TTC28: variants seen among roughly 807,000 people sequenced by gnomAD.
TTC28 encodes tetratricopeptide repeat domain 28, also known as tetratricopeptide repeat protein 28.
TTC28 carries 61 observed loss-of-function variants against 198.0 expected under a neutral mutation model. The observed-to-expected ratio is 0.31, with a 90% CI of 0.25 to 0.38. The LOEUF (loss-of-function observed/expected upper bound fraction) is 0.38. Ranked by LOEUF, TTC28 falls within the 10% of genes least tolerant of loss-of-function variation. The pLI, the probability that TTC28 is intolerant of heterozygous loss-of-function variation, is 1.00. For missense variants in TTC28, 2,678 were observed against 3,164.0 expected (o/e 0.85, Z 3.69); for synonymous variants, 1,171 against 1,297.8 (o/e 0.90, Z 2.10).
At chr22:28,623,811 T>A (rs1430833410) in intron 2 of TTC28, among the ~76,000 whole-genome samples, 1 of 152,010 alleles carries the variant, frequency 6.6e-6, no homozygotes, top group South Asian at 2.1e-4. Flanking sequence ...CAATAATGTG[T>A]TTACAAGGAA....
intron 1 of TTC28, among the ~76,000 whole-genome samples, chr22:28,633,912 A>G (rs1422546824): frequency 2.0e-5 from 3 of 152,156 alleles, no homozygotes; most frequent in Admixed American, 6.5e-5. Flanking sequence ...TCACCTTTAT[A>G]GTGAAGGATC....
chr22:28,521,309 A>G (rs1235130588), intron 2 of TTC28, among the ~76,000 whole-genome samples: 1 of 152,094 alleles, frequency 6.6e-6, no homozygotes, highest in Non-Finnish European at 1.5e-5. Context: ...TAGGAGGCCA[A>G]GGCGAGAGAA....
chr22:28,382,506 C>G (rs1053252390), intron 2 of TTC28, among the ~76,000 whole-genome samples: 1 of 152,170 alleles, frequency 6.6e-6, no homozygotes, highest in African/African-American at 2.4e-5. Flanking sequence ...TATCCATGGA[C>G]TTGACCTTTG....
chr22:28,103,367 G>C (rs930125464), intron 8 of TTC28, among the ~76,000 whole-genome samples: 3 of 152,320 alleles, frequency 2.0e-5, no homozygotes, highest in Admixed American at 6.5e-5. Context: ...TGGAGAGCTT[G>C]TTCAAAAGGC....
intron 14 of TTC28, among the ~76,000 whole-genome samples, chr22:28,003,680 G>A (rs1937806771): frequency 6.6e-6 from 1 of 152,232 alleles, no homozygotes; most frequent in African/African-American, 2.4e-5. Context: ...GAAAAATGGA[G>A]AAGTGAGGCT....
intron 2 of TTC28, among the ~76,000 whole-genome samples, chr22:28,574,444 C>T (rs192394098): frequency 5.9e-5 from 9 of 152,186 alleles, no homozygotes; most frequent in Non-Finnish European, 1.0e-4. Flanking sequence ...ATTTAGGTTG[C>T]TTCCAAATCT....
chr22:28,653,840 C>T (rs1222702087), intron 1 of TTC28, among the ~76,000 whole-genome samples: 2 of 152,092 alleles, frequency 1.3e-5, no homozygotes, highest in African/African-American at 4.8e-5. Context: ...TTGCACGGCC[C>T]CAGACTGTAA....
At chr22:28,402,606 T>G (rs1367317953) in intron 2 of TTC28, among the ~76,000 whole-genome samples, 4 of 152,234 alleles carry the variant, frequency 2.6e-5, no homozygotes, top group African/African-American at 9.6e-5. Context: ...AGTATAGAAC[T>G]GAGCAGCACA....
intron 2 of TTC28, among the ~76,000 whole-genome samples, chr22:28,436,929 G>T (rs1480751996): frequency 6.6e-6 from 1 of 152,272 alleles, no homozygotes; most frequent in Admixed American, 6.5e-5. Flanking sequence ...GATATTTTAT[G>T]ATGTAAACTA....
chr22:28,387,353 A>G (rs1003590719), intron 2 of TTC28, among the ~76,000 whole-genome samples: 2 of 152,262 alleles, frequency 1.3e-5, no homozygotes, highest in Non-Finnish European at 2.9e-5. Context: ...CTTTGGGTAT[A>G]TACCCAGTAA....
intron 2 of TTC28, among the ~76,000 whole-genome samples, chr22:28,384,274 G>T (rs2046540508): frequency 6.6e-6 from 1 of 152,028 alleles, no homozygotes; most frequent in Non-Finnish European, 1.5e-5. Context: ...TTTTGGTAGA[G>T]ACAAGGTCTC....
rs528531620 is a variant in TTC28, at chr22:28,271,893, G to A, written c.933+24305C>T. 2.6e-4 allele frequency among the ~76,000 whole-genome samples: 39 copies of A among 152,198 alleles called. 2 individuals carry two copies. Among genetic ancestry groups the A allele is most frequent in the African/African-American group, 8.9e-4 (37 of 41,528 alleles). ...GCTGGGATTACAGGCGTGAGCCACC[G>A]TGCCTGGCTGATCTGGTGTTTTTAT... is the stretch of plus-strand genomic sequence containing the variant. On this transcript the variant is annotated intron_variant, in intron 5 of 22. Coordinates refer to ENST00000397906, the MANE Select transcript of TTC28 (RefSeq NM_001145418.2).
chr22:28,443,906 C>A (rs1173032829), intron 2 of TTC28, among the ~76,000 whole-genome samples: 1 of 152,102 alleles, frequency 6.6e-6, no homozygotes, highest in Non-Finnish European at 1.5e-5. Context: ...AAGGAAAGTA[C>A]TCTAGGCCAA....
intron 2 of TTC28, among the ~76,000 whole-genome samples, chr22:28,445,861 TAC>T (rs111302565): frequency 0.014 from 2,000 of 146,252 alleles, 11 homozygotes; most frequent in Non-Finnish European, 0.02. Context: ...TACATATCTA[TAC>T]ACACACACAC....
At chr22:28,298,334 C>T (rs1198336130) in intron 3 of TTC28, among the ~76,000 whole-genome samples, 1 of 152,004 alleles carries the variant, frequency 6.6e-6, no homozygotes, top group East Asian at 1.9e-4. Flanking sequence ...AATATTTTTC[C>T]AGCTAAATCT....
At chr22:28,285,204 T>C (rs2044659415) in intron 5 of TTC28, among the ~76,000 whole-genome samples, 1 of 152,184 alleles carries the variant, frequency 6.6e-6, no homozygotes, top group South Asian at 2.1e-4. Flanking sequence ...AATGAAATAT[T>C]ATTCAGCCAT....
At chr22:28,537,296 A>ATAACATAACATAACATAACATAAC (rs1569008965) in intron 2 of TTC28, among the ~76,000 whole-genome samples, 3 of 94,644 alleles carry the variant, frequency 3.2e-5, no homozygotes, top group Admixed American at 9.8e-5. Flanking sequence ...CCGTCTCAAA[A>ATAACATAACATAACATAACATAAC]ATAAAATAAA....
chr22:28,262,063 T>G (rs1022728359), intron 5 of TTC28, among the ~76,000 whole-genome samples: 2 of 152,154 alleles, frequency 1.3e-5, no homozygotes, highest in Non-Finnish European at 2.9e-5. Flanking sequence ...TGTCTATCCT[T>G]TCTCTTTCTC....
At chr22:28,579,959 G>A (rs560256336) in intron 2 of TTC28, among the ~76,000 whole-genome samples, 24 of 151,694 alleles carry the variant, frequency 1.6e-4, no homozygotes, top group Middle Eastern at 3.4e-3. Flanking sequence ...GACAAAGTGC[G>A]ACCCTGTCTC....
Sources: gnomAD v4.1 joint callset for allele counts (sites outside exome capture counted in the v4.1 genomes callset) on GRCh38, gnomAD v4.1.1 for gene constraint, MANE v1.5 for transcripts, NCBI Gene and HGNC (gene_info 2026-07-23, HGNC 2026-07-21) for gene names.